The following PDE7A variants were observed in gnomAD, a reference collection of about 807,000 sequenced individuals.
PDE7A encodes phosphodiesterase 7A.
In PDE7A, 39 loss-of-function variants were observed where a neutral mutation model predicts 64.3. The observed-to-expected ratio is 0.61, with a 90% CI of 0.47 to 0.79. The LOEUF is 0.79. Among genes scored for constraint, PDE7A ranks in the 30% least tolerant of loss-of-function variants. The probability of loss-of-function intolerance (pLI) is 0.00; values close to 1 mark genes in which losing one functional copy is unlikely to be tolerated. For synonymous variants in PDE7A, 203 were observed against 206.8 expected (o/e 0.98, Z 0.16); for missense variants, 470 against 582.8 (o/e 0.81, Z 1.99).
intron 3 of PDE7A, among the ~76,000 whole-genome samples, chr8:65,758,761 A>G (rs1006434823): frequency 2.0e-5 from 3 of 152,200 alleles, no homozygotes; most frequent in African/African-American, 7.2e-5. Context: ...AAATCCATGC[A>G]GTACCTTCTG....
chr8:65,736,161 A>G (rs1400572640), intron 6 of PDE7A, among the ~76,000 whole-genome samples: 1 of 152,094 alleles, frequency 6.6e-6, no homozygotes, highest in East Asian at 1.9e-4. Context: ...CAGCATCACA[A>G]CTCTTGTGCT....
chr8:65,802,571 A>G (rs1810017780), intron 1 of PDE7A, among the ~76,000 whole-genome samples: 1 of 152,172 alleles, frequency 6.6e-6, no homozygotes, highest in Non-Finnish European at 1.5e-5. Flanking sequence ...AGTTTTCTCC[A>G]CCAGGATAAT....
chr8:65,745,846 C>T (rs1400883016), intron 4 of PDE7A, among the ~76,000 whole-genome samples: 1 of 152,194 alleles, frequency 6.6e-6, no homozygotes, highest in Non-Finnish European at 1.5e-5. Context: ...ATAAGTGACA[C>T]TACTGAGTAT....
In PDE7A at chr8:65,745,426, T is replaced by C. The variant is rs759401343; in HGVS notation, c.480A>G (p.Leu160=). 3.2e-6 allele frequency: 5 copies of C among 1,570,806 alleles called. No homozygotes were observed. The highest frequency in any genetic ancestry group is 1.7e-5 in the Admixed American group (1 of 59,906). Residue 160 remains leucine (L), a synonymous_variant, in exon 5 of 13, where the codon CTA becomes CTG. Coordinates refer to ENST00000401827, the MANE Select transcript of PDE7A (RefSeq NM_001242318.3). ...KVGNWNFDIF[L]FDRLTNGNSL... Reference sequence around the variant, plus strand: ...ACTTACCATTTGTTAGTCTATCAAATAGAAAGATATCAAAATTCCAATTTC... The same window carrying C: ...ACTTACCATTTGTTAGTCTATCAAACAGAAAGATATCAAAATTCCAATTTC...
At position 65,841,969 on chromosome 8, in the gene PDE7A, C is replaced by T. The variant is rs1563528445; in HGVS notation, c.-461G>A. ...AGGAGCAGCGACCAGCTCGGGCCGC[C>T]GCCGCCGCCGCCGCCGCCGCCGCCG... is the stretch of plus-strand genomic sequence containing the variant. On this transcript the variant is annotated 5_prime_UTR_variant, in exon 1 of 13. Transcript: ENST00000401827. 1.5e-5 allele frequency: 3 copies of T among 205,660 alleles called. No individual in the cohort carries two copies. Among genetic ancestry groups the T allele is most frequent in the Non-Finnish European group, 2.6e-5 (3 of 116,190 alleles). The allele number at this position is 205,660 out of a possible 1,614,324, so 12.7% of individuals were successfully genotyped here.
At chr8:65,821,344 C>T (rs755405878) in intron 1 of PDE7A, among the ~76,000 whole-genome samples, 3 of 152,100 alleles carry the variant, frequency 2.0e-5, no homozygotes, top group Non-Finnish European at 4.4e-5. Context: ...AAAAGCATAG[C>T]TTCTCATAAA....
intron 2 of PDE7A, among the ~76,000 whole-genome samples, chr8:65,782,157 T>C (rs1809436716): frequency 6.6e-6 from 1 of 152,132 alleles, no homozygotes; most frequent in Non-Finnish European, 1.5e-5. Context: ...AAAAAATGAA[T>C]AAATTTGCCT....
chr8:65,811,289 T>C (rs755593029), intron 1 of PDE7A, among the ~76,000 whole-genome samples: 4 of 152,090 alleles, frequency 2.6e-5, no homozygotes, highest in Admixed American at 1.3e-4. Context: ...GGGCTAGCAA[T>C]AGTGGGAAGA....
At chr8:65,836,327 C>G (rs1563525870) in intron 1 of PDE7A, among the ~76,000 whole-genome samples, 1 of 152,184 alleles carries the variant, frequency 6.6e-6, no homozygotes, top group Non-Finnish European at 1.5e-5. Flanking sequence ...ACAAATAGCA[C>G]AAGCAATACT....
chr8:65,760,013 G>A (rs1808418843), intron 3 of PDE7A, among the ~76,000 whole-genome samples: 1 of 152,128 alleles, frequency 6.6e-6, no homozygotes, highest in East Asian at 1.9e-4. Flanking sequence ...CCCGAGGCAG[G>A]CAGATCACTT....
intron 1 of PDE7A, among the ~76,000 whole-genome samples, chr8:65,806,136 A>C (rs1051644703): frequency 6.6e-6 from 1 of 152,264 alleles, no homozygotes; most frequent in African/African-American, 2.4e-5. Flanking sequence ...TCCAACAATA[A>C]GGAATGACTG....
At chr8:65,803,884 G>C (rs1022925025) in intron 1 of PDE7A, among the ~76,000 whole-genome samples, 1 of 152,162 alleles carries the variant, frequency 6.6e-6, no homozygotes, top group Admixed American at 6.5e-5. Context: ...CAGAGGATAC[G>C]ATTGGGAGAA....
At chr8:65,829,559 G>A (rs1027752475) in intron 1 of PDE7A, among the ~76,000 whole-genome samples, 27 of 152,140 alleles carry the variant, frequency 1.8e-4, no homozygotes, top group African/African-American at 6.0e-4. Flanking sequence ...AAGGAAGCAG[G>A]GAATATAGTG....
At chr8:65,788,442 T>C (rs1010542383) in intron 1 of PDE7A, among the ~76,000 whole-genome samples, 6 of 152,198 alleles carry the variant, frequency 3.9e-5, no homozygotes, top group African/African-American at 1.4e-4. Context: ...GAAAACATGA[T>C]AGACGGTGGT....
At chr8:65,827,264 T>A (rs1180299918) in intron 1 of PDE7A, among the ~76,000 whole-genome samples, 1 of 152,226 alleles carries the variant, frequency 6.6e-6, no homozygotes, top group Non-Finnish European at 1.5e-5. Context: ...TGCCTTTGTG[T>A]GTCCTTTAAC....
In PDE7A at chr8:65,841,600, G is replaced by T; in HGVS notation, c.-92C>A. ...GGGGGCCGCGGCTCGGGGGCTCCGG[G>T]CCGAGACGGGGGCAGGGCGGGCGGG... On this transcript the variant is annotated 5_prime_UTR_variant, in exon 1 of 13. Coordinates refer to ENST00000401827, the MANE Select transcript of PDE7A (RefSeq NM_001242318.3). The T allele has an allele frequency of 5.3e-6, 3 of 567,896 alleles. No homozygotes were observed. Among genetic ancestry groups the T allele is most frequent in the Non-Finnish European group, 7.3e-6 (3 of 412,516 alleles). The allele number at this position is 567,896 out of a possible 1,614,324, so 35.2% of individuals were successfully genotyped here. A position where few individuals can be genotyped will look rare whatever the true frequency, so the allele number is the denominator to read the frequency against.
chr8:65,840,026 C>T (rs184581855), intron 1 of PDE7A, among the ~76,000 whole-genome samples: 62 of 152,234 alleles, frequency 4.1e-4, no homozygotes, highest in Non-Finnish European at 8.1e-4. Flanking sequence ...CCATTAAAAA[C>T]CTTTAACTAC....
chr8:65,817,758 T>G (rs1044311977), intron 1 of PDE7A, among the ~76,000 whole-genome samples: 8 of 151,568 alleles, frequency 5.3e-5, no homozygotes, highest in East Asian at 1.9e-4. Flanking sequence ...GAGTGTTTTT[T>G]TTTTTTTTTT....
intron 3 of PDE7A, among the ~76,000 whole-genome samples, chr8:65,772,835 C>A (rs760086761): frequency 1.3e-5 from 2 of 152,012 alleles, no homozygotes; most frequent in Non-Finnish European, 2.9e-5. Context: ...GAAACCCTAT[C>A]TTTAATAAAA....
Sources: gnomAD v4.1 joint callset for allele counts (sites outside exome capture counted in the v4.1 genomes callset) on GRCh38, gnomAD v4.1.1 for gene constraint, MANE v1.5 for transcripts, NCBI Gene and HGNC (gene_info 2026-07-23, HGNC 2026-07-21) for gene names.